Variants in SEC31A observed in about 807,000 individuals in gnomAD.
SEC31A encodes the protein SEC31 homolog A, COPII component, also known as protein transport protein Sec31A.
Under a neutral mutation model 151.0 loss-of-function variants are expected in SEC31A, and 70 were observed. The observed-to-expected ratio is 0.46, with a 90% confidence interval of 0.38 to 0.57. SEC31A has a LOEUF of 0.57. SEC31A is among the 20% of genes least tolerant of loss of function. SEC31A has a pLI of 0.00. For missense variants in SEC31A, 1,330 were observed against 1,471.2 expected, an observed-to-expected ratio of 0.90 and a Z score of 1.57; for synonymous variants, 475 against 505.9, an observed-to-expected ratio of 0.94 and a Z score of 0.82.
intron 6 of SEC31A, 72 bp from the exon 7 acceptor site, chr4:82,872,158 T>C: frequency 1.8e-6 from 2 of 1,085,070 alleles, no homozygotes; most frequent in South Asian, 2.6e-5. Flanking sequence ...ACGAGAAATA[T>C]ACCTTTATTG....
In SEC31A at chr4:82,874,714, T is replaced by C; in HGVS notation, c.536A>G (p.Gln179Arg). The change falls in exon 6 of 27, where the codon CAA (glutamine) becomes CGA (arginine). Residue 179 changes from glutamine (Q) to arginine (R), a missense_variant. Transcript: ENST00000395310. The stretch of plus-strand genomic sequence containing the variant: ...GGCTGATGCTAAAATATGCTGAACT[T>C]GTCTGTTCCATGCAATGCAGCTGAT... ...EDISCIAWNR[Q>R]VQHILASASP... 5.6e-6 allele frequency: 9 copies of C among 1,612,746 alleles called. No homozygotes were observed. Among genetic ancestry groups the C allele is most frequent in the Non-Finnish European group, 7.6e-6 (9 of 1,179,802 alleles).
chr4:82,842,171 A>G lies in SEC31A; in HGVS notation c.2937T>C (p.Ala979=), dbSNP rs765941827. Residue 979 remains alanine, a synonymous_variant, in exon 22 of 27, where the codon GCT becomes GCC. Transcript: ENST00000395310. ...LPPGTTGTLP[A]ASELPASQRT... is the part of the protein sequence containing the mutation. The stretch of plus-strand genomic sequence containing the variant: ...TTTGGGACGCAGGCAGCTCACTGGC[A>G]GCAGGCAGTGTACCTGTTGTTCCAG... 1 of 1,576,222 alleles carries G rather than the reference A, an allele frequency of 6.3e-7. No individual in the cohort carries two copies. Among genetic ancestry groups the G allele is most frequent in the South Asian group, 1.2e-5 (1 of 84,896 alleles).
intron 19 of SEC31A, among the ~76,000 whole-genome samples, chr4:82,851,116 A>G (rs1247819212): frequency 1.3e-5 from 2 of 152,228 alleles, no homozygotes; most frequent in Admixed American, 1.3e-4. Flanking sequence ...ATATTCCTAC[A>G]AAGAACTTTG....
At chr4:82,853,535 TA>T in intron 18 of SEC31A, 34 bp downstream of exon 18, 1 of 1,529,672 alleles carries the variant, frequency 6.5e-7, no homozygotes, top group Non-Finnish European at 8.7e-7. Context: ...AAGACAACAC[TA>T]AAAATTAAGT....
intron 3 of SEC31A, 31 bp from the exon 4 acceptor site, chr4:82,878,959 T>C: frequency 6.5e-7 from 1 of 1,530,842 alleles, no homozygotes; most frequent in Non-Finnish European, 9.0e-7. Context: ...AATCATTCAT[T>C]CTTAAAGTCA....
rs532565313 is a variant in SEC31A at position 82,874,846 on chromosome 4, A to G, written c.499-95T>C. 1.2e-5 allele frequency: 18 copies of G among 1,446,352 alleles called. No homozygotes were observed. The African/African-American group carries it at 2.3e-4, about 18-fold the overall frequency. 89.6% of individuals were successfully genotyped at this position (1,446,352 alleles called of 1,614,324 possible). On this transcript the variant is annotated intron_variant, in intron 5 of 26. Transcript: ENST00000395310. ...GATCCTTCATTTTGAAAAGTGTATT[A>G]CTTAAAAATCTGATCCATTTATGCC...
At chr4:82,838,830 T>C (rs1335774102) in intron 22 of SEC31A, among the ~76,000 whole-genome samples, 1 of 152,356 alleles carries the variant, frequency 6.6e-6, no homozygotes, top group East Asian at 1.9e-4. Context: ...TTAGTTTCTC[T>C]GAGCCCTGAG....
intron 25 of SEC31A, chr4:82,821,345 G>C (rs572614114): frequency 5.1e-6 from 2 of 393,970 alleles, no homozygotes; most frequent in East Asian, 1.1e-4. Context: ...TCAGGAGTTT[G>C]AGACCAGCCT....
At chr4:82,869,636 G>C (rs147935939) in intron 8 of SEC31A, among the ~76,000 whole-genome samples, 195 of 152,170 alleles carry the variant, frequency 1.3e-3, no homozygotes, top group African/African-American at 4.5e-3. Context: ...TCCTACAAAT[G>C]ATATGCGGTA....
At chr4:82,883,489 A>G (rs1026433529) in intron 1 of SEC31A, among the ~76,000 whole-genome samples, 2 of 152,208 alleles carry the variant, frequency 1.3e-5, no homozygotes, top group African/African-American at 4.8e-5. Flanking sequence ...TTATTGCCCT[A>G]CAGCCTTATC....
At chr4:82,836,129 C>T (rs1039070401) in intron 22 of SEC31A, among the ~76,000 whole-genome samples, 10 of 151,996 alleles carry the variant, frequency 6.6e-5, no homozygotes, top group Non-Finnish European at 1.5e-4. Context: ...AATCCCAGCA[C>T]TTTGGGAGGC....
Position 82,863,382 on chromosome 4 carries a change from T to C in SEC31A, c.1445A>G (p.Glu482Gly). ...NVWSFLKVNF[E>G]DDSRGKYLEL... ...AAGGTATTTTCCACGAGAATCATCC[T>C]CAAAGTTTACCTTTAAAAAAAAAGA... Residue 482 changes from glutamate to glycine, a missense_variant, in exon 12 of 27, where the codon GAG (glutamate) becomes GGG (glycine). By Grantham distance (98) the Glu-to-Gly change is moderately conservative. Transcript: ENST00000395310. The C allele has an allele frequency of 1.3e-6, 2 of 1,570,172 alleles. No homozygotes were observed. The highest frequency in any genetic ancestry group is 1.7e-6 in the Non-Finnish European group (2 of 1,163,682).
At chr4:82,876,204 G>A (rs980254358) in intron 4 of SEC31A, among the ~76,000 whole-genome samples, 5 of 149,410 alleles carry the variant, frequency 3.3e-5, no homozygotes, top group African/African-American at 4.9e-5. Flanking sequence ...TCCGCCTCCC[G>A]GGTCCAAGTG....
chr4:82,831,621 A>G (rs538987502), intron 22 of SEC31A, among the ~76,000 whole-genome samples: 1 of 152,308 alleles, frequency 6.6e-6, no homozygotes, highest in South Asian at 2.1e-4. Context: ...AAACGTGCCT[A>G]TCTTAGCACA....
chr4:82,842,992 A>C (rs1290018586), intron 21 of SEC31A, among the ~76,000 whole-genome samples: 1 of 152,222 alleles, frequency 6.6e-6, no homozygotes. Context: ...GTTTGAGCAC[A>C]GTTCCAGATT....
chr4:82,890,185 G>C (rs529164845), intron 1 of SEC31A, among the ~76,000 whole-genome samples: 1 of 119,430 alleles, frequency 8.4e-6, no homozygotes, highest in Non-Finnish European at 1.6e-5. Flanking sequence ...CTGGGTGACA[G>C]AGCGAGACTC....
At chr4:82,870,446 A>G (rs1201222762) in intron 7 of SEC31A, 22 bp from the exon 8 acceptor site, 1 of 1,582,024 alleles carries the variant, frequency 6.3e-7, no homozygotes, top group Non-Finnish European at 8.7e-7. Context: ...ATAAAGGAAC[A>G]AGGAAATTTT....
chr4:82,890,678 C>G (rs1039522421), intron 1 of SEC31A: 1 of 934,352 alleles, frequency 1.1e-6, no homozygotes, highest in Non-Finnish European at 1.3e-6. Flanking sequence ...AGTTCAAGTA[C>G]AAAAAAAAAT....
intron 1 of SEC31A, among the ~76,000 whole-genome samples, 160 bp from the exon 2 acceptor site, chr4:82,882,100 T>A (rs1168808913): frequency 6.6e-6 from 1 of 152,188 alleles, no homozygotes; most frequent in Non-Finnish European, 1.5e-5. Context: ...TTGTTGGATA[T>A]ATTCATTAGA....
Sources: gnomAD v4.1 joint callset for allele counts (sites outside exome capture counted in the v4.1 genomes callset) on GRCh38, gnomAD v4.1.1 for gene constraint, MANE v1.5 for transcripts, NCBI Gene and HGNC (gene_info 2026-07-23, HGNC 2026-07-21) for gene names.